The following CELSR1 variants were observed in gnomAD, a reference collection of about 807,000 sequenced individuals.
The protein encoded by CELSR1 is adhesion G protein-coupled receptor C1.
Under a neutral mutation model 249.1 loss-of-function variants are expected in CELSR1, and 110 were observed. That is an observed-to-expected ratio of 0.44 (90% CI 0.38 to 0.52). The LOEUF is 0.52. Ranked by LOEUF, CELSR1 falls within the 20% of genes least tolerant of loss-of-function variation. The pLI is 0.00. For missense variants in CELSR1, 4,109 were observed against 4,296.4 expected, an observed-to-expected ratio of 0.96 and a Z score of 1.22; for synonymous variants, 2,113 against 1,900.0, an observed-to-expected ratio of 1.11 and a Z score of -2.92.
At chr22:46,510,203 G>A (rs1410999856) in intron 1 of CELSR1, among the ~76,000 whole-genome samples, 1 of 152,042 alleles carries the variant, frequency 6.6e-6, no homozygotes, top group Non-Finnish European at 1.5e-5. Context: ...CTTCTGGTGT[G>A]AAATAAAAAA....
intron 28 of CELSR1, among the ~76,000 whole-genome samples, 199 bp from the exon 29 acceptor site, chr22:46,367,317 C>G (rs547414391): frequency 3.3e-4 from 51 of 152,352 alleles, no homozygotes; most frequent in Non-Finnish European, 3.4e-4. Context: ...AACTGAGATG[C>G]CTGGGCCAGA....
At position 46,535,015 on chromosome 22, in the gene CELSR1, A is replaced by G; in HGVS notation, c.2156T>C (p.Val719Ala). 6.2e-7 allele frequency: 1 copy of G among 1,612,326 alleles called. No homozygotes were observed. Among genetic ancestry groups the G allele is most frequent in the Non-Finnish European group, 8.5e-7 (1 of 1,179,780 alleles). The change falls in exon 1 of 35, where the codon GTG becomes GCG. Residue 719 changes from valine to alanine, a missense_variant. Val to Ala is a moderately conservative substitution (Grantham distance 64). Coordinates refer to ENST00000674500, the MANE Select transcript of CELSR1 (RefSeq NM_001378328.1). ...GCCGCCTGTGAGCTGGTAGGTAATC[A>G]CACTGTTGGCGTCACGGTCGCGGGC... Reference protein sequence around the residue: ...LQARDRDANSVITYQLTGGNT... With the variant: ...LQARDRDANSAITYQLTGGNT...
At position 46,534,788 on chromosome 22, in the gene CELSR1, T is replaced by A; in HGVS notation, c.2383A>T (p.Thr795Ser). 6.2e-7 allele frequency: 1 copy of A among 1,613,192 alleles called. No individual in the cohort carries two copies. The highest frequency in any genetic ancestry group is 8.5e-7 in the Non-Finnish European group (1 of 1,180,000). ...GGCCTGTCCTCACTGACACTCACTG[T>A]GTAATGGGAGCTCTGAAAGACAGGC... ...HRPVFQSSHYTVSVSEDRPVG... is the reference protein window; with the variant it reads ...HRPVFQSSHYSVSVSEDRPVG... The change falls in exon 1 of 35, where the codon ACA (threonine) becomes TCA (serine). Residue 795 changes from threonine (T) to serine (S), a missense_variant. Coordinates refer to ENST00000674500, the MANE Select transcript of CELSR1 (RefSeq NM_001378328.1). This position sits in a 1 kb window ranked among gnomAD's most constrained non-coding sequence, Gnocchi z 9.7.
chr22:46,363,282 G>A lies in CELSR1; in HGVS notation c.9036-35C>T. The A allele has an allele frequency of 3.2e-6, 5 of 1,583,642 alleles. No individual in the cohort carries two copies. Among genetic ancestry groups the A allele is most frequent in the Non-Finnish European group, 4.3e-6 (5 of 1,154,706 alleles). The stretch of plus-strand genomic sequence containing the variant: ...GGAAGAAGCCAGCAAGCAGGTGAAG[G>A]GTCAGTGAGGGTAGCGGCTTGGTGG... On this transcript the variant is annotated intron_variant, in intron 34 of 34. Transcript: ENST00000674500. The surrounding 1 kb of genome is among the most constrained non-coding windows in gnomAD (Gnocchi z 4.3).
Position 46,364,238 on chromosome 22 carries a change from AT to A in CELSR1, c.8792del (p.Asn2931IlefsTer9). 1.2e-6 allele frequency: 2 copies of A among 1,608,366 alleles called. No individual in the cohort carries two copies. Among genetic ancestry groups the A allele is most frequent in the Non-Finnish European group, 1.7e-6 (2 of 1,179,432 alleles). On this transcript the variant is annotated frameshift_variant, in exon 34 of 35. Transcript: ENST00000674500. LOFTEE classifies it high-confidence loss of function. Reference sequence around the variant, plus strand: ...TCAGCGGCGGCGGGTAGGTGACTTTATTTTTCAAGATGCCTGGGAGGAGGAG... The same window carrying A: ...TCAGCGGCGGCGGGTAGGTGACTTTATTTTCAAGATGCCTGGGAGGAGGAG... The part of the protein sequence containing the change: ...PPEQRKGILK[N>X]KVTYPPPLTL...
chr22:46,366,538 G>A (rs112587264), intron 29 of CELSR1, 58 bp from the exon 30 acceptor site: 69 of 1,324,186 alleles, frequency 5.2e-5, no homozygotes, highest in African/African-American at 4.6e-4. Flanking sequence ...TGACCACCAC[G>A]GGGAATGACT....
intron 5 of CELSR1, among the ~76,000 whole-genome samples, chr22:46,431,768 A>G (rs2147424739): frequency 6.6e-6 from 1 of 152,340 alleles, no homozygotes; most frequent in East Asian, 1.9e-4. Context: ...CCGTATCAAG[A>G]AAAGACTCGG....
At chr22:46,507,871 C>G (rs1602224312) in intron 1 of CELSR1, among the ~76,000 whole-genome samples, 1 of 137,296 alleles carries the variant, frequency 7.3e-6, no homozygotes, top group African/African-American at 2.7e-5. Context: ...CACTGGGGGG[C>G]TGCATGGAGA....
In CELSR1 at chr22:46,417,704, C is replaced by T. The variant is rs2079419182; in HGVS notation, c.4612-5945G>A. 6.6e-6 allele frequency among the ~76,000 whole-genome samples: 1 copy of T among 152,236 alleles called. No homozygotes were observed. Among genetic ancestry groups the T allele is most frequent in the Non-Finnish European group, 1.5e-5 (1 of 68,048 alleles). On this transcript the variant is annotated intron_variant, in intron 5 of 34. Transcript: ENST00000674500. The surrounding 1 kb of genome is among the most constrained non-coding windows in gnomAD (Gnocchi z 4.1). ...CCAGGGACCTGGGGCAGAAGACATA[C>T]TCTATGAGCCTAGGCAGACTCTTCT...
In CELSR1 at chr22:46,517,557, C is replaced by G. The variant is rs990718342; in HGVS notation, c.3544+16070G>C. On this transcript the variant is annotated intron_variant, in intron 1 of 34. Coordinates refer to ENST00000674500, the MANE Select transcript of CELSR1 (RefSeq NM_001378328.1). This position sits in a 1 kb window ranked among gnomAD's most constrained non-coding sequence, Gnocchi z 5.4. Reference sequence around the variant, plus strand: ...TGGTACCTCTGTCCACAGTAAGGTGCCCCTGCAGACACGCCGCAAAACACG... The same window carrying G: ...TGGTACCTCTGTCCACAGTAAGGTGGCCCTGCAGACACGCCGCAAAACACG... 1.3e-5 allele frequency among the ~76,000 whole-genome samples: 2 copies of G among 152,190 alleles called. No individual in the cohort carries two copies. The highest frequency in any genetic ancestry group is 4.1e-4 in the South Asian group (2 of 4,828).
rs375665929 is a variant in CELSR1 at position 46,409,781 on chromosome 22, C to T, written c.5033G>A (p.Arg1678Gln). 2.2e-5 allele frequency: 35 copies of T among 1,613,680 alleles called. No individual in the cohort carries two copies. The highest frequency in any genetic ancestry group is 2.2e-4 in the Admixed American group (13 of 60,010). Residue 1678 changes from arginine to glutamine, a missense_variant, in exon 8 of 35, where the codon CGA becomes CAA. Around this residue, in one of 7 missense-constraint regions of CELSR1, gnomAD observed 453 missense variants for 492.0 expected, o/e 0.92. Transcript: ENST00000674500. The surrounding 1 kb of genome is among the most constrained non-coding windows in gnomAD (Gnocchi z 9.8). Reference sequence around the variant, plus strand: ...TTGCTCACAGTTCTTCCCGCCGAATCGGAGTGGACACTCACACAGATACAT... The same window carrying T: ...TTGCTCACAGTTCTTCCCGCCGAATTGGAGTGGACACTCACACAGATACAT... ...WNMYLCECPL[R>Q]FGGKNCEQAM... is the part of the protein sequence containing the mutation.
At chr22:46,364,911 C>T (rs1405569923) in intron 32 of CELSR1, among the ~76,000 whole-genome samples, 175 bp from the exon 33 acceptor site, 1 of 152,222 alleles carries the variant, frequency 6.6e-6, no homozygotes, top group East Asian at 1.9e-4. Context: ...GCAGCAGGGC[C>T]CTTGTTGGGA....
intron 23 of CELSR1, among the ~76,000 whole-genome samples, chr22:46,377,829 C>T (rs985707811): frequency 6.6e-6 from 1 of 152,240 alleles, no homozygotes; most frequent in Non-Finnish European, 1.5e-5. Flanking sequence ...ACTCACCCTT[C>T]CAAGAATGTG....
Position 46,365,249 on chromosome 22 carries a change from C to T in CELSR1, c.8536G>A (p.Val2846Ile), listed in dbSNP as rs141057075. 6.0e-5 allele frequency: 97 copies of T among 1,611,956 alleles called. No individual in the cohort carries two copies. The highest frequency in any genetic ancestry group is 2.7e-4 in the East Asian group (12 of 44,900). ...CACTCACCTTTGGGGGTGCTGTGGA[C>T]GGCGCCCCTGGCCGGGTCCCATTTT... ...EEKWDPARGAVHSTPKGDAVA... is the reference protein window; with the variant it reads ...EEKWDPARGAIHSTPKGDAVA... The change falls in exon 32 of 35, where the codon GTC (valine) becomes ATC (isoleucine). Residue 2846 changes from valine to isoleucine, a missense_variant. Physicochemically the swap from Val to Ile is conservative, Grantham distance 29. Around this residue, in one of 7 missense-constraint regions of CELSR1, gnomAD observed 1,805 missense variants for 1,831.6 expected, o/e 0.99. Transcript: ENST00000674500.
In CELSR1 at chr22:46,433,711, G is replaced by A. The variant is rs1157531310; in HGVS notation, c.4523-230C>T. Among the ~76,000 whole-genome samples the A allele has an allele frequency of 6.6e-6, 1 of 152,168 alleles. No homozygotes were observed. The highest frequency in any genetic ancestry group is 1.5e-5 in the Non-Finnish European group (1 of 68,024). On this transcript the variant is annotated intron_variant, in intron 4 of 34. Coordinates refer to ENST00000674500, the MANE Select transcript of CELSR1 (RefSeq NM_001378328.1). The surrounding 1 kb of genome is among the most constrained non-coding windows in gnomAD (Gnocchi z 5.7). The stretch of plus-strand genomic sequence containing the variant: ...CTGGTTTTGTTTGTTTTGAGATGGA[G>A]TCTTGCTCTGTCGCCCAGGCTGGAG...
intron 1 of CELSR1, among the ~76,000 whole-genome samples, chr22:46,529,062 G>C (rs1191275143): frequency 6.6e-6 from 1 of 151,478 alleles, no homozygotes; most frequent in Admixed American, 6.6e-5. Flanking sequence ...TCAGGAGATC[G>C]ACACCATCTT....
intron 1 of CELSR1, among the ~76,000 whole-genome samples, chr22:46,474,443 C>T (rs866191397): frequency 5.9e-5 from 9 of 152,240 alleles, no homozygotes; most frequent in South Asian, 2.1e-4. Context: ...CAAGCACCCC[C>T]GGCGGCCAGC....
At chr22:46,516,929 C>T (rs962378610) in intron 1 of CELSR1, among the ~76,000 whole-genome samples, 5 of 152,222 alleles carry the variant, frequency 3.3e-5, no homozygotes, top group African/African-American at 4.8e-5. Flanking sequence ...TGCCCAGAAT[C>T]CCACCTAAAC....
intron 2 of CELSR1, among the ~76,000 whole-genome samples, chr22:46,444,807 T>C (rs988469298): frequency 8.5e-5 from 13 of 152,144 alleles, no homozygotes; most frequent in Admixed American, 2.6e-4. Flanking sequence ...CTCTCCTGCC[T>C]CTACCAGCTT....
Sources: gnomAD v4.1 joint callset for allele counts (sites outside exome capture counted in the v4.1 genomes callset) on GRCh38, gnomAD v4.1.1 for gene constraint, gnomAD v4.1.1 regional missense constraint, Gnocchi (gnomAD v3.1) non-coding constraint, MANE v1.5 for transcripts, NCBI Gene and HGNC (gene_info 2026-07-23, HGNC 2026-07-21) for gene names.